Variants in ITIH5 observed in about 807,000 individuals in gnomAD.
ITIH5 encodes inter-alpha-trypsin inhibitor heavy chain 5, also known as inter-alpha-trypsin inhibitor heavy chain H5.
In ITIH5, 65 loss-of-function variants were observed where a neutral mutation model predicts 77.5. The observed-to-expected ratio is 0.84, with a 90% CI of 0.69 to 1.03. The LOEUF (loss-of-function observed/expected upper bound fraction) is 1.03, where lower values mean the gene tolerates loss of function less well. ITIH5 is among the 50% of genes least tolerant of loss of function. ITIH5 has a pLI of 0.00. For missense variants in ITIH5, 1,208 were observed against 1,213.1 expected, an observed-to-expected ratio of 1.00 and a Z score of 0.06; for synonymous variants, 525 against 494.3, an observed-to-expected ratio of 1.06 and a Z score of -0.82.
At chr10:7,618,915 T>C (rs991818221) in intron 5 of ITIH5, 1 of 152,222 alleles carries the variant, frequency 6.6e-6, no homozygotes, top group Admixed American at 6.5e-5. Flanking sequence ...AACCACAAGG[T>C]AGAACAGATT....
chr10:7,626,504 G>A (rs1251488310), intron 5 of ITIH5, among the ~76,000 whole-genome samples: 3 of 152,182 alleles, frequency 2.0e-5, no homozygotes, highest in Admixed American at 6.5e-5. Context: ...CCTGGCAAAG[G>A]TACAGAGATT....
At chr10:7,614,656 A>C (rs1164271552) in intron 7 of ITIH5, among the ~76,000 whole-genome samples, 1 of 152,140 alleles carries the variant, frequency 6.6e-6, no homozygotes, top group East Asian at 1.9e-4. Flanking sequence ...TTTTTGCTCT[A>C]TTGGAGTGTA....
At chr10:7,607,388 T>C (rs1833146577) in intron 7 of ITIH5, among the ~76,000 whole-genome samples, 1 of 152,192 alleles carries the variant, frequency 6.6e-6, no homozygotes, top group Non-Finnish European at 1.5e-5. Context: ...GGCTCATTCC[T>C]GTAATCCCAA....
At chr10:7,606,738 A>T (rs1402135499) in intron 7 of ITIH5, among the ~76,000 whole-genome samples, 1 of 152,254 alleles carries the variant, frequency 6.6e-6, no homozygotes, top group Non-Finnish European at 1.5e-5. Flanking sequence ...CTAAAATAAA[A>T]GTTTAAAGGA....
chr10:7,638,990 A>G (rs1168098350), intron 4 of ITIH5, among the ~76,000 whole-genome samples: 1 of 152,230 alleles, frequency 6.6e-6, no homozygotes, highest in Non-Finnish European at 1.5e-5. Context: ...ATATCATTTT[A>G]TATCATAAGA....
intron 5 of ITIH5, 74 bp from the exon 6 acceptor site, chr10:7,617,356 GAC>G: frequency 2.0e-6 from 2 of 979,492 alleles, no homozygotes; most frequent in South Asian, 2.6e-5. Flanking sequence ...CTGTTTGGCA[GAC>G]ACAGAGTTTT....
At chr10:7,582,024 C>T (rs4749029) in intron 8 of ITIH5, among the ~76,000 whole-genome samples, 115,035 of 150,728 alleles carry the variant, frequency 0.76, 44,270 homozygotes, top group Non-Finnish European at 0.81. Context: ...TACAGGCACA[C>T]GCCACCATGC....
At chr10:7,582,869 G>A (rs1258994676) in intron 8 of ITIH5, among the ~76,000 whole-genome samples, 6 of 152,144 alleles carry the variant, frequency 3.9e-5, no homozygotes, top group Non-Finnish European at 8.8e-5. Context: ...GGCAGAAGTA[G>A]GGATAGTTAA....
chr10:7,637,480 T>C lies in ITIH5; in HGVS notation c.402-2A>G. On this transcript the variant is annotated splice_acceptor_variant, in intron 4 of 13. Coordinates refer to ENST00000397146, the MANE Select transcript of ITIH5 (RefSeq NM_030569.7). LOFTEE classifies it high-confidence loss of function. The stretch of plus-strand genomic sequence containing the variant: ...CTGAATATTTCAGTCCCCTTCTCTC[T>C]GTCAGGAAAAAGGAAAAGGACCCCA... The C allele has an allele frequency of 6.2e-7, 1 of 1,613,056 alleles. No individual in the cohort carries two copies. The highest frequency in any genetic ancestry group is 8.5e-7 in the Non-Finnish European group (1 of 1,179,758).
intron 12 of ITIH5, 171 bp downstream of exon 12, chr10:7,569,497 A>T (rs540036380): frequency 2.0e-5 from 9 of 455,734 alleles, no homozygotes; most frequent in African/African-American, 1.8e-4. Flanking sequence ...TAAAGCAGGG[A>T]GTCGGATGCA....
In ITIH5 at chr10:7,561,626, G is replaced by A. The variant is rs1025765931; in HGVS notation, c.*1457C>T. On this transcript the variant is annotated 3_prime_UTR_variant, in exon 14 of 14. Transcript: ENST00000397146. ...AGTCCCCCAGCGCTAACTTGTTCCCGAAGCCGCTGCGTCCGACAGGAACAC... is the reference window on the plus strand; with the variant it reads ...AGTCCCCCAGCGCTAACTTGTTCCCAAAGCCGCTGCGTCCGACAGGAACAC... 6 of 152,254 alleles carry A rather than the reference G, an allele frequency of 3.9e-5. No homozygotes were observed. Among genetic ancestry groups the A allele is most frequent in the Non-Finnish European group, 5.9e-5 (4 of 68,062 alleles). 9.4% of individuals were successfully genotyped at this position (152,254 alleles called of 1,614,324 possible).
chr10:7,622,000 T>A (rs943659527), intron 5 of ITIH5: 1 of 152,246 alleles, frequency 6.6e-6, no homozygotes, highest in Non-Finnish European at 1.5e-5. Flanking sequence ...CCCACTTCTA[T>A]GGTGAGCTGG....
At chr10:7,604,752 C>T (rs1426767720) in intron 7 of ITIH5, among the ~76,000 whole-genome samples, 1 of 152,198 alleles carries the variant, frequency 6.6e-6, no homozygotes, top group Non-Finnish European at 1.5e-5. Flanking sequence ...ATTAATCTTT[C>T]CCTATCTCAA....
chr10:7,584,541 G>A (rs1417899534), intron 8 of ITIH5, among the ~76,000 whole-genome samples: 1 of 151,988 alleles, frequency 6.6e-6, no homozygotes, highest in Non-Finnish European at 1.5e-5. Context: ...CTGACCTCAG[G>A]TGATCCACCT....
At chr10:7,594,217 T>G (rs1316985487) in intron 7 of ITIH5, among the ~76,000 whole-genome samples, 1 of 151,828 alleles carries the variant, frequency 6.6e-6, no homozygotes, top group Non-Finnish European at 1.5e-5. Flanking sequence ...CCGTTCAGAG[T>G]CCCTCCCAAT....
chr10:7,580,607 A>G (rs898008957), intron 8 of ITIH5, among the ~76,000 whole-genome samples: 2 of 152,214 alleles, frequency 1.3e-5, no homozygotes, highest in Non-Finnish European at 2.9e-5. Context: ...AGCTTACCTG[A>G]GCTTCAATGG....
Position 7,641,907 on chromosome 10 carries a change from C to T in ITIH5, c.299+20G>A. On this transcript the variant is annotated intron_variant, in intron 3 of 13. Transcript: ENST00000397146. ...CCACCCTAGGCAGAAATCTTCATCC[C>T]TGACCAGCGTGTCACCTACATAGTG... The T allele has an allele frequency of 1.9e-6, 3 of 1,613,250 alleles. No individual in the cohort carries two copies. Among genetic ancestry groups the T allele is most frequent in the Non-Finnish European group, 2.5e-6 (3 of 1,179,422 alleles).
chr10:7,593,196 T>C (rs920077192), intron 7 of ITIH5, among the ~76,000 whole-genome samples: 2 of 152,056 alleles, frequency 1.3e-5, no homozygotes, highest in Non-Finnish European at 2.9e-5. Flanking sequence ...CCTTATGACC[T>C]TGTAAGGCCT....
intron 11 of ITIH5, among the ~76,000 whole-genome samples, chr10:7,572,600 G>A (rs1314952573): frequency 2.6e-5 from 4 of 152,028 alleles, no homozygotes; most frequent in Admixed American, 2.6e-4. Flanking sequence ...GCTCACTGCA[G>A]CCTCATCGGG....
Sources: allele counts gnomAD v4.1 joint callset (sites outside exome capture counted in the v4.1 genomes callset), GRCh38; gene constraint gnomAD v4.1.1; transcripts MANE v1.5; gene names NCBI Gene and HGNC (gene_info 2026-07-23, HGNC 2026-07-21).